Variants in ZNF541 observed in about 807,000 individuals in gnomAD.
ZNF541 encodes the protein zinc finger protein 541.
Under a neutral mutation model 123.5 loss-of-function variants are expected in ZNF541, and 23 were observed. The ratio of observed to expected loss-of-function variants is 0.19; its 90% CI spans 0.13 to 0.26. ZNF541 has a LOEUF of 0.26. Among genes scored for constraint, ZNF541 ranks in the 10% least tolerant of loss-of-function variants. The pLI, the probability that ZNF541 is intolerant of heterozygous loss-of-function variation, is 1.00. For missense variants in ZNF541, 1,612 were observed against 1,789.9 expected, an observed-to-expected ratio of 0.90 and a Z score of 1.79; for synonymous variants, 751 against 754.5, an observed-to-expected ratio of 1.00 and a Z score of 0.08.
chr19:47,567,404 G>A (rs1028701071), intron 2 of ZNF541, among the ~76,000 whole-genome samples: 4 of 152,048 alleles, frequency 2.6e-5, no homozygotes, highest in Admixed American at 6.6e-5. Flanking sequence ...GATTACAGGC[G>A]CCCGCCATCA....
intron 3 of ZNF541, among the ~76,000 whole-genome samples, chr19:47,554,951 G>A (rs1425381188): frequency 3.3e-5 from 5 of 151,838 alleles, no homozygotes; most frequent in South Asian, 4.2e-4. Context: ...AAAATTAGCC[G>A]GGCATGGTGG....
At chr19:47,526,854 T>C (rs1969323198) in intron 14 of ZNF541, among the ~76,000 whole-genome samples, 1 of 152,214 alleles carries the variant, frequency 6.6e-6, no homozygotes, top group Admixed American at 6.5e-5. Flanking sequence ...ACAAAGTACA[T>C]GTCCATACCA....
At position 47,520,959 on chromosome 19, in the gene ZNF541, A is replaced by C; in HGVS notation, c.*265T>G. 2.3e-6 allele frequency: 1 copy of C among 435,618 alleles called. No individual in the cohort carries two copies. The allele number at this position is 435,618 out of a possible 1,614,324, so 27.0% of individuals were successfully genotyped here. ...TCCCCTCCCCAAGCCTCCCTGCTCT[A>C]GAAGTGGAAGGGAAAGAAGGGGAGA... On this transcript the variant is annotated 3_prime_UTR_variant, in exon 17 of 17. Transcript: ENST00000391901.
chr19:47,545,437 G>A lies in ZNF541; in HGVS notation c.1092C>T (p.Asp364=), dbSNP rs774155497. The part of the protein sequence containing the change: ...NSRAAENGAP[D]PPEPEPDTAL... The stretch of plus-strand genomic sequence containing the variant: ...CGGTATCTGGCTCCGGCTCTGGCGG[G>A]TCGGGGGCGCCGTTCTCGGCGGCCC... The change falls in exon 5 of 17, where the codon GAC becomes GAT. Residue 364 remains aspartate (D), a synonymous_variant. Coordinates refer to ENST00000391901, the MANE Select transcript of ZNF541 (RefSeq NM_001277075.3). This position sits in a 1 kb window ranked among gnomAD's most constrained non-coding sequence, Gnocchi z 7.5. 3.4e-6 allele frequency: 5 copies of A among 1,477,910 alleles called. No individual in the cohort carries two copies. Among genetic ancestry groups the A allele is most frequent in the South Asian group, 2.8e-5 (2 of 72,646 alleles). The allele number at this position is 1,477,910 out of a possible 1,614,324, so 91.5% of individuals were successfully genotyped here.
intron 4 of ZNF541, among the ~76,000 whole-genome samples, chr19:47,547,185 T>G (rs1281183244): frequency 6.6e-6 from 1 of 152,158 alleles, no homozygotes; most frequent in Non-Finnish European, 1.5e-5. Context: ...AGATGCTAAC[T>G]TGGGGACGAT....
In ZNF541 at chr19:47,570,820, C is replaced by T. The variant is rs139506544; in HGVS notation, c.-99+1076G>A. ...TAAATTAGCTGGGCGTGGTGGTGCA[C>T]GCCTGCAGTCCCAGCTACTTGGGAG... On this transcript the variant is annotated intron_variant, in intron 2 of 16. Transcript: ENST00000391901. 3.4e-4 allele frequency among the ~76,000 whole-genome samples: 51 copies of T among 151,000 alleles called. No homozygotes were observed. The East Asian group carries it at 4.0e-3, about 12-fold the overall frequency.
chr19:47,548,213 G>A (rs1970440733), intron 4 of ZNF541, among the ~76,000 whole-genome samples: 1 of 151,666 alleles, frequency 6.6e-6, no homozygotes, highest in Non-Finnish European at 1.5e-5. Flanking sequence ...GGGAGGCTGA[G>A]GCAGGTGGAT....
chr19:47,535,916 A>G (rs1969797435), intron 9 of ZNF541, among the ~76,000 whole-genome samples: 1 of 152,202 alleles, frequency 6.6e-6, no homozygotes, highest in Non-Finnish European at 1.5e-5. Context: ...GGGGTCTCAC[A>G]GCTTTCAGAG....
At chr19:47,571,601 T>G (rs1213376810) in intron 2 of ZNF541, among the ~76,000 whole-genome samples, 1 of 152,170 alleles carries the variant, frequency 6.6e-6, no homozygotes, top group Non-Finnish European at 1.5e-5. Context: ...CTTCTTCCCT[T>G]TACCTGTGCC....
At chr19:47,541,581 A>T (rs1970082550) in intron 5 of ZNF541, among the ~76,000 whole-genome samples, 1 of 152,208 alleles carries the variant, frequency 6.6e-6, no homozygotes, top group South Asian at 2.1e-4. Flanking sequence ...ATCTGATTTT[A>T]AAAAATAAGC....
At chr19:47,538,676 A>G (rs2974227) in intron 8 of ZNF541, among the ~76,000 whole-genome samples, 55,938 of 152,030 alleles carry the variant, frequency 0.37, 15,359 homozygotes, top group African/African-American at 0.77. Flanking sequence ...GACTCTGTGT[A>G]AGAATAGCCT....
At position 47,532,167 on chromosome 19, in the gene ZNF541, A is replaced by G; in HGVS notation, c.3262T>C (p.Trp1088Arg). 3.9e-6 allele frequency: 6 copies of G among 1,551,670 alleles called. No homozygotes were observed. The highest frequency in any genetic ancestry group is 5.2e-6 in the Non-Finnish European group (6 of 1,146,980). ...EHVASLVWKP[W>R]GDMMISSETQ... ...TCTGAGCTGATCATCATATCTCCCC[A>G]TGGCTTCCAGACCAGAGAAGCTACA... is the stretch of plus-strand genomic sequence containing the variant. Residue 1088 changes from tryptophan (W) to arginine (R), a missense_variant, in exon 11 of 17, where the codon TGG (tryptophan) becomes CGG (arginine). Coordinates refer to ENST00000391901, the MANE Select transcript of ZNF541 (RefSeq NM_001277075.3).
rs1306688914 is a variant in ZNF541 at position 47,521,496 on chromosome 19, T to G, written c.3870A>C (p.Pro1290=). The G allele has an allele frequency of 6.4e-7, 1 of 1,551,374 alleles. No homozygotes were observed. Among genetic ancestry groups the G allele is most frequent in the African/African-American group, 1.4e-5 (1 of 72,960 alleles). ...LGSAESQGIF[P]CRECERVFDK... is the part of the protein sequence containing the mutation. The stretch of plus-strand genomic sequence containing the variant: ...CTGGGTACCTTTCACACTCTCTGCA[T>G]GGAAAAATGCCCTGGCTCTCTGCAC... The change falls in exon 16 of 17, where the codon CCA becomes CCC. Residue 1290 remains proline, a synonymous_variant. Transcript: ENST00000391901. The surrounding 1 kb of genome is among the most constrained non-coding windows in gnomAD (Gnocchi z 4.2).
At chr19:47,534,811 A>G (rs1969743114) in intron 9 of ZNF541, among the ~76,000 whole-genome samples, 1 of 152,210 alleles carries the variant, frequency 6.6e-6, no homozygotes, top group Admixed American at 6.5e-5. Flanking sequence ...TCTAACAATG[A>G]ATTGTGCTGA....
intron 2 of ZNF541, among the ~76,000 whole-genome samples, chr19:47,558,065 A>G (rs1368154895): frequency 6.6e-6 from 1 of 152,128 alleles, no homozygotes; most frequent in Non-Finnish European, 1.5e-5. Context: ...TACTGCAACT[A>G]GGAATTAAAG....
intron 3 of ZNF541, among the ~76,000 whole-genome samples, chr19:47,555,178 G>A (rs1258939024): frequency 6.6e-6 from 1 of 150,714 alleles, no homozygotes; most frequent in Non-Finnish European, 1.5e-5. Flanking sequence ...GACCATCCTG[G>A]CTAATGCAGT....
chr19:47,552,098 T>C (rs1970623858), intron 3 of ZNF541, among the ~76,000 whole-genome samples: 1 of 151,956 alleles, frequency 6.6e-6, no homozygotes, highest in Admixed American at 6.6e-5. Flanking sequence ...CCTCAAGCGA[T>C]CCTCCCACCT....
intron 9 of ZNF541, among the ~76,000 whole-genome samples, chr19:47,537,020 C>T (rs1297330257): frequency 6.6e-6 from 1 of 152,106 alleles, no homozygotes; most frequent in African/African-American, 2.4e-5. Context: ...ATGAAATGTC[C>T]TGAATAGGCA....
At chr19:47,539,901 G>A in intron 7 of ZNF541, 23 bp from the exon 8 acceptor site, 2 of 1,517,710 alleles carry the variant, frequency 1.3e-6, no homozygotes, top group Non-Finnish European at 1.8e-6. Context: ...GAGAAGAGAT[G>A]GCTCTTTAAG....
Sources: gnomAD v4.1 joint callset for allele counts (sites outside exome capture counted in the v4.1 genomes callset) on GRCh38, gnomAD v4.1.1 for gene constraint, Gnocchi (gnomAD v3.1) non-coding constraint, MANE v1.5 for transcripts, NCBI Gene and HGNC (gene_info 2026-07-23, HGNC 2026-07-21) for gene names.